Variants in R3HCC1L observed in about 807,000 individuals in gnomAD.
R3HCC1L encodes the protein coiled-coil domain-containing protein R3HCC1L.
Under a neutral mutation model 59.9 loss-of-function variants are expected in R3HCC1L, and 51 were observed. That is an observed-to-expected ratio of 0.85 (90% CI 0.68 to 1.07). The LOEUF (loss-of-function observed/expected upper bound fraction) is 1.07, where lower values mean the gene tolerates loss of function less well. Among genes scored for constraint, R3HCC1L ranks in the 50% least tolerant of loss-of-function variants. The probability of loss-of-function intolerance (pLI) is 0.00; values close to 1 mark genes in which losing one functional copy is unlikely to be tolerated. For synonymous variants in R3HCC1L, 322 were observed against 315.2 expected, an observed-to-expected ratio of 1.02 and a Z score of -0.23; for missense variants, 965 against 933.0, an observed-to-expected ratio of 1.03 and a Z score of -0.45.
At chr10:98,186,479 A>G in intron 4 of R3HCC1L, 2 of 979,550 alleles carry the variant, frequency 2.0e-6, no homozygotes, top group Non-Finnish European at 2.4e-6. Context: ...GGTTTTACTC[A>G]GCATTTGGTG....
At chr10:98,229,815 C>G (rs1165853242) in intron 5 of R3HCC1L, among the ~76,000 whole-genome samples, 3 of 152,062 alleles carry the variant, frequency 2.0e-5, no homozygotes, top group Non-Finnish European at 4.4e-5. Context: ...TGTCAAAGAC[C>G]TTTTCTGCAT....
rs879471841 is a variant in R3HCC1L at position 98,156,160 on chromosome 10, CTTG to C, written c.-213+19_-213+21del. On this transcript the variant is annotated intron_variant, in intron 2 of 9. Transcript: ENST00000298999. ...TGCTGTTTTCCTGGTATGATTTCCA[CTTG>C]TTGTTATCCTTAGATTTTTCTCTCC... The C allele has an allele frequency of 6.6e-6, 1 of 151,764 alleles. No individual in the cohort carries two copies. The highest frequency in any genetic ancestry group is 6.6e-5 in the Admixed American group (1 of 15,240). The allele number at this position is 151,764 out of a possible 1,614,324, so 9.4% of individuals were successfully genotyped here.
intron 9 of R3HCC1L, among the ~76,000 whole-genome samples, chr10:98,238,069 C>A (rs191699495): frequency 6.6e-6 from 1 of 152,248 alleles, no homozygotes; most frequent in African/African-American, 2.4e-5. Flanking sequence ...CTTCAAAAAA[C>A]CATAGGTACT....
intron 4 of R3HCC1L, among the ~76,000 whole-genome samples, chr10:98,168,319 G>C (rs1564639526): frequency 1.3e-5 from 2 of 152,166 alleles, no homozygotes; most frequent in Non-Finnish European, 2.9e-5. Context: ...TCGGTGAGCT[G>C]TGTGGTTACC....
At chr10:98,179,500 T>A (rs1849404946) in intron 4 of R3HCC1L, among the ~76,000 whole-genome samples, 1 of 152,208 alleles carries the variant, frequency 6.6e-6, no homozygotes, top group Non-Finnish European at 1.5e-5. Context: ...TCAGTGTTCA[T>A]CAGGGATATT....
At chr10:98,195,890 CAG>C (rs1179497925) in intron 4 of R3HCC1L, among the ~76,000 whole-genome samples, 1 of 152,144 alleles carries the variant, frequency 6.6e-6, no homozygotes, top group Non-Finnish European at 1.5e-5. Context: ...GCTAAAGAAG[CAG>C]AGTTTATTTA....
At chr10:98,180,245 T>A (rs780182229) in intron 4 of R3HCC1L, among the ~76,000 whole-genome samples, 1 of 152,238 alleles carries the variant, frequency 6.6e-6, no homozygotes, top group Non-Finnish European at 1.5e-5. Flanking sequence ...CCAGAGATTC[T>A]GGTATGTTGT....
intron 4 of R3HCC1L, among the ~76,000 whole-genome samples, chr10:98,206,802 C>T (rs144336869): frequency 6.6e-6 from 1 of 152,114 alleles, no homozygotes; most frequent in Non-Finnish European, 1.5e-5. Context: ...GAAAATTAGG[C>T]ATTTTTTGAA....
chr10:98,206,327 TA>T lies in R3HCC1L; in HGVS notation c.-14-1758del, dbSNP rs370980212. On this transcript the variant is annotated intron_variant, in intron 4 of 9. Coordinates refer to ENST00000298999, the MANE Select transcript of R3HCC1L (RefSeq NM_001351015.2). ...GTCTTCTGTCTTTTGTTTGATTCTT[TA>T]AAAAAAAAAAAAAAACCTCCAAAAG... Among the ~76,000 whole-genome samples, 574 of 136,382 alleles carry T rather than the reference TA, an allele frequency of 4.2e-3. 1 individual carries two copies. Among genetic ancestry groups the T allele is most frequent in the East Asian group, 6.6e-3 (32 of 4,816 alleles). 89.5% of individuals were successfully genotyped at this position (136,382 alleles called of 152,430 possible).
chr10:98,183,958 GTTTT>G (rs71007380), intron 4 of R3HCC1L, among the ~76,000 whole-genome samples: 1 of 126,560 alleles, frequency 7.9e-6, no homozygotes, highest in Non-Finnish European at 1.6e-5. Context: ...TCCTTTTTCG[GTTTT>G]TTTTTTTTTT....
In R3HCC1L at chr10:98,163,647, G is replaced by A. The variant is rs750760939; in HGVS notation, c.-15+250G>A. Among the ~76,000 whole-genome samples, 15 of 152,112 alleles carry A rather than the reference G, an allele frequency of 9.9e-5. No homozygotes were observed. In the East Asian group the frequency reaches 1.5e-3, roughly 16 times the overall value. On this transcript the variant is annotated intron_variant, in intron 4 of 9. Coordinates refer to ENST00000298999, the MANE Select transcript of R3HCC1L (RefSeq NM_001351015.2). ...AGGGGCTGTTTAAATATTGGGATTCGTTTTCAAAGTTGGATCACTAGCTTT... is the reference window on the plus strand; with the variant it reads ...AGGGGCTGTTTAAATATTGGGATTCATTTTCAAAGTTGGATCACTAGCTTT...
intron 4 of R3HCC1L, among the ~76,000 whole-genome samples, chr10:98,191,678 T>C (rs897954628): frequency 1.3e-5 from 2 of 152,222 alleles, no homozygotes; most frequent in African/African-American, 2.4e-5. Flanking sequence ...TTGTCAATTT[T>C]GGCTTTTGTT....
chr10:98,215,908 G>A (rs1293828840), intron 5 of R3HCC1L, among the ~76,000 whole-genome samples: 5 of 152,208 alleles, frequency 3.3e-5, no homozygotes, highest in Non-Finnish European at 2.9e-5. Context: ...CCAAATTGGA[G>A]TAAATTGGGA....
At chr10:98,227,812 ATGAG>A (rs1318585714) in intron 5 of R3HCC1L, among the ~76,000 whole-genome samples, 1 of 144,930 alleles carries the variant, frequency 6.9e-6, no homozygotes, top group African/African-American at 2.6e-5. Flanking sequence ...ATTCCCACCT[ATGAG>A]TGAGAACATG....
chr10:98,228,780 C>G (rs1044227808), intron 5 of R3HCC1L, among the ~76,000 whole-genome samples: 4 of 152,164 alleles, frequency 2.6e-5, no homozygotes, highest in Non-Finnish European at 4.4e-5. Flanking sequence ...AGGAAGAGAT[C>G]CAGTTTCAGC....
At chr10:98,181,489 T>G (rs1394740350) in intron 4 of R3HCC1L, among the ~76,000 whole-genome samples, 1 of 152,180 alleles carries the variant, frequency 6.6e-6, no homozygotes, top group Non-Finnish European at 1.5e-5. Flanking sequence ...CTGACAATTA[T>G]GTGTCTTGGG....
chr10:98,152,945 T>TG (rs546057764), intron 1 of R3HCC1L, among the ~76,000 whole-genome samples: 11,898 of 143,824 alleles, frequency 0.083, 1,600 homozygotes, highest in African/African-American at 0.29. Flanking sequence ...GGGAGAGAGG[T>TG]GGGGGGTCAG....
intron 4 of R3HCC1L, among the ~76,000 whole-genome samples, chr10:98,182,078 C>A (rs540311249): frequency 1.3e-5 from 2 of 152,154 alleles, no homozygotes; most frequent in African/African-American, 4.8e-5. Context: ...GTGATCCTTT[C>A]GAGGAGAAGC....
At chr10:98,232,948 ATAAC>A (rs1856548807) in intron 6 of R3HCC1L, among the ~76,000 whole-genome samples, 2 of 152,188 alleles carry the variant, frequency 1.3e-5, no homozygotes, top group South Asian at 4.1e-4. Flanking sequence ...CATCAGTTCT[ATAAC>A]TAACAGAAAG....
Sources: allele counts gnomAD v4.1 joint callset (sites outside exome capture counted in the v4.1 genomes callset), GRCh38; gene constraint gnomAD v4.1.1; transcripts MANE v1.5; gene names NCBI Gene and HGNC (gene_info 2026-07-23, HGNC 2026-07-21).